The following IGFL2 variants were observed in gnomAD, a reference collection of about 807,000 sequenced individuals.
The protein encoded by IGFL2 is insulin growth factor-like family member 2.
IGFL2 carries 7 observed loss-of-function variants against 13.9 expected under a neutral mutation model. The observed-to-expected ratio is 0.51, with a 90% CI of 0.29 to 0.95. The LOEUF (loss-of-function observed/expected upper bound fraction) is 0.95, where lower values mean the gene tolerates loss of function less well. IGFL2 is among the 40% of genes least tolerant of loss of function. IGFL2 has a pLI of 0.08. For synonymous variants in IGFL2, 55 were observed against 55.8 expected (o/e 0.99, Z 0.07); for missense variants, 138 against 147.8 (o/e 0.93, Z 0.34).
At chr19:46,129,396 C>T in the IGFL2 span, among the ~76,000 whole-genome samples, 1 of 146,948 alleles carries the variant, frequency 6.8e-6, no homozygotes, top group Admixed American at 6.9e-5. Context: ...TATTTCTTGT[C>T]TTCTGCCGGC....
chr19:46,215,322 A>T, the IGFL2 span, among the ~76,000 whole-genome samples: 1 of 152,220 alleles, frequency 6.6e-6, no homozygotes, highest in East Asian at 1.9e-4. Flanking sequence ...GGTAACTTTA[A>T]GTCTTGTAAT....
chr19:46,195,371 G>A, the IGFL2 span, among the ~76,000 whole-genome samples: 1 of 151,970 alleles, frequency 6.6e-6, no homozygotes, highest in Non-Finnish European at 1.5e-5. Context: ...TTGTTGTCCT[G>A]CCTTGCTTAG....
the IGFL2 span, among the ~76,000 whole-genome samples, chr19:46,201,256 CT>C: frequency 6.6e-6 from 1 of 152,232 alleles, no homozygotes; most frequent in Non-Finnish European, 1.5e-5. Flanking sequence ...AATCTGGTCA[CT>C]TCCATCCCCT....
chr19:46,141,864 TC>T, upstream of IGFL2, among the ~76,000 whole-genome samples: 1 of 152,290 alleles, frequency 6.6e-6, no homozygotes, highest in East Asian at 1.9e-4. Flanking sequence ...CCCTAAATTA[TC>T]AAAGATATGC....
intron 3 of IGFL2, 36 bp from the exon 4 acceptor site, chr19:46,161,034 G>A (rs1324799892): frequency 1.3e-6 from 2 of 1,576,392 alleles, no homozygotes; most frequent in Middle Eastern, 1.7e-4. Flanking sequence ...CTCCTTGTCT[G>A]TTATTCGTAA....
chr19:46,079,152 T>G, the IGFL2 span, among the ~76,000 whole-genome samples: 3 of 152,114 alleles, frequency 2.0e-5, no homozygotes, highest in Non-Finnish European at 4.4e-5. Flanking sequence ...GCGCAGGCGA[T>G]GGGTGAGGCG....
the IGFL2 span, among the ~76,000 whole-genome samples, chr19:46,092,638 T>C: frequency 2.6e-5 from 4 of 151,372 alleles, no homozygotes; most frequent in South Asian, 8.4e-4. Flanking sequence ...AGACCCTGTC[T>C]CAAAAAAAAA....
the IGFL2 span, among the ~76,000 whole-genome samples, chr19:46,180,019 T>C: frequency 3.9e-5 from 6 of 152,206 alleles, no homozygotes; most frequent in East Asian, 9.6e-4. Context: ...TCACCATCTC[T>C]CCAGAAGACA....
the IGFL2 span, chr19:46,214,523 A>G: frequency 6.6e-6 from 1 of 152,158 alleles, no homozygotes; most frequent in African/African-American, 2.4e-5. Flanking sequence ...GACGGTACCA[A>G]GTCACCGGCC....
downstream of IGFL2, among the ~76,000 whole-genome samples, chr19:46,161,483 G>T (rs1354466087): frequency 6.6e-6 from 1 of 152,114 alleles, no homozygotes; most frequent in Non-Finnish European, 1.5e-5. Context: ...GTCTTTAAGA[G>T]TTTCCTCTAT....
At chr19:46,092,813 T>G in the IGFL2 span, among the ~76,000 whole-genome samples, 18 of 152,102 alleles carry the variant, frequency 1.2e-4, no homozygotes, top group African/African-American at 4.1e-4. Flanking sequence ...TTATTGAAAT[T>G]GTTATTTTAT....
At chr19:46,140,267 A>G (rs569093126), upstream of IGFL2, among the ~76,000 whole-genome samples, 1 of 141,486 alleles carries the variant, frequency 7.1e-6, no homozygotes, top group African/African-American at 2.6e-5. Flanking sequence ...ATATATATAT[A>G]TCTCAAAATG....
chr19:46,188,648 T>C, the IGFL2 span, among the ~76,000 whole-genome samples: 15 of 152,336 alleles, frequency 9.8e-5, no homozygotes, highest in East Asian at 2.9e-3. Flanking sequence ...TTTCAGATGC[T>C]CAGTGTCCTT....
At chr19:46,147,638 G>A (rs1354247130), upstream of IGFL2, 1 of 152,248 alleles carries the variant, frequency 6.6e-6, no homozygotes, top group East Asian at 1.9e-4. Flanking sequence ...TAGCCTACGA[G>A]GAACCAGGGG....
the IGFL2 span, chr19:46,120,463 T>C: frequency 6.6e-7 from 1 of 1,505,606 alleles, no homozygotes; most frequent in African/African-American, 1.4e-5. Context: ...CAGACTTGAC[T>C]GCTACACCAG....
the IGFL2 span, among the ~76,000 whole-genome samples, chr19:46,093,671 A>G: frequency 6.6e-6 from 1 of 152,218 alleles, no homozygotes; most frequent in Non-Finnish European, 1.5e-5. Flanking sequence ...GGACAAATAA[A>G]TTAGGTTAGC....
the IGFL2 span, among the ~76,000 whole-genome samples, chr19:46,079,528 A>G: frequency 6.6e-6 from 1 of 152,196 alleles, no homozygotes; most frequent in East Asian, 1.9e-4. Flanking sequence ...ACGGGCTCAG[A>G]AGTTCTTTGC....
chr19:46,096,157 G>C, the IGFL2 span, among the ~76,000 whole-genome samples: 1 of 152,140 alleles, frequency 6.6e-6, no homozygotes, highest in Non-Finnish European at 1.5e-5. Context: ...CACAAGTGTG[G>C]AATGTTTTTC....
At chr19:46,145,889 C>A (rs930616268), upstream of IGFL2, among the ~76,000 whole-genome samples, 1 of 152,040 alleles carries the variant, frequency 6.6e-6, no homozygotes, top group African/African-American at 2.4e-5. Flanking sequence ...GGATTCAAGT[C>A]CTATGTTAGA....
Sources: gnomAD v4.1 joint callset for allele counts (sites outside exome capture counted in the v4.1 genomes callset) on GRCh38, gnomAD v4.1.1 for gene constraint, MANE v1.5 for transcripts, NCBI Gene and HGNC (gene_info 2026-07-23, HGNC 2026-07-21) for gene names.